Variants in GCNT2 observed in about 807,000 individuals in gnomAD.
GCNT2 encodes glucosaminyl (N-acetyl) transferase 2 (I blood group), also known as N-acetyllactosaminide beta-1,6-N-acetylglucosaminyl-transferase.
GCNT2 carries 34 observed loss-of-function variants against 34.2 expected under a neutral mutation model. The ratio of observed to expected loss-of-function variants is 1.00; its 90% confidence interval spans 0.76 to 1.32. The LOEUF is 1.32. GCNT2 is among the 40% of genes most tolerant of loss of function. The probability of loss-of-function intolerance (pLI) is 0.00; values close to 1 mark genes in which losing one functional copy is unlikely to be tolerated. For synonymous variants in GCNT2, 212 were observed against 188.0 expected (o/e 1.13, Z -1.04); for missense variants, 584 against 489.4 (o/e 1.19, Z -1.82).
chr6:10,579,248 T>A (rs746074738), intron 3 of GCNT2, among the ~76,000 whole-genome samples: 12 of 152,234 alleles, frequency 7.9e-5, no homozygotes, highest in Non-Finnish European at 1.3e-4. Flanking sequence ...CCCAATCTAT[T>A]ATTTCTGTAT....
At chr6:10,521,741 TA>T (rs2113459508) in intron 1 of GCNT2, 1 of 152,122 alleles carries the variant, frequency 6.6e-6, no homozygotes, top group African/African-American at 2.4e-5. Context: ...CATCTGTCTC[TA>T]AATCATTAGT....
At chr6:10,599,625 T>C (rs1183182969) in intron 3 of GCNT2, among the ~76,000 whole-genome samples, 1 of 152,168 alleles carries the variant, frequency 6.6e-6, no homozygotes, top group African/African-American at 2.4e-5. Flanking sequence ...AGACGGTAGC[T>C]TCCCCTCTCT....
intron 3 of GCNT2, among the ~76,000 whole-genome samples, chr6:10,582,240 A>G (rs1430583125): frequency 3.3e-5 from 4 of 122,792 alleles, no homozygotes; most frequent in Non-Finnish European, 4.7e-5. Context: ...ATTTAAATAT[A>G]TAAAATATAT....
At chr6:10,624,637 TGAA>T (rs1466612904) in intron 4 of GCNT2, among the ~76,000 whole-genome samples, 1 of 152,192 alleles carries the variant, frequency 6.6e-6, no homozygotes, top group Non-Finnish European at 1.5e-5. Context: ...CATTTCAACT[TGAA>T]AAAGAACATT....
In GCNT2 at chr6:10,529,775, C is replaced by A. The variant is rs761163111; in HGVS notation, c.864C>A (p.Ser288=). The A allele has an allele frequency of 6.2e-7, 1 of 1,614,204 alleles. No individual in the cohort carries two copies. The highest frequency in any genetic ancestry group is 1.7e-5 in the Admixed American group (1 of 60,028). Residue 288 remains serine, a synonymous_variant, in exon 3 of 5, where the codon TCC becomes TCA. Coordinates refer to ENST00000495262, the MANE Select transcript of GCNT2 (RefSeq NM_145649.5). ...ACCAGCTCGCACTTGACTTACTCTC[C>A]TGGTCCAAGGACACCTACAGCCCCG... ...LQDQLALDLL[S]WSKDTYSPDE...
rs1389832450 is a variant in GCNT2, at chr6:10,529,781, C to T, written c.870C>T (p.Ser290=). ...DQLALDLLSW[S]KDTYSPDEHF... ...TCGCACTTGACTTACTCTCCTGGTC[C>T]AAGGACACCTACAGCCCCGACGAAC... The change falls in exon 3 of 5, where the codon TCC becomes TCT. Residue 290 remains serine (S), a synonymous_variant. Transcript: ENST00000495262. 6.2e-7 allele frequency: 1 copy of T among 1,614,022 alleles called. No homozygotes were observed. Among genetic ancestry groups the T allele is most frequent in the Non-Finnish European group, 8.5e-7 (1 of 1,179,996 alleles).
intron 3 of GCNT2, among the ~76,000 whole-genome samples, chr6:10,594,350 G>A (rs1764761261): frequency 6.6e-6 from 1 of 152,204 alleles, no homozygotes; most frequent in Admixed American, 6.5e-5. Flanking sequence ...TTGATATAAG[G>A]AAAAGCTTTA....
Position 10,529,127 on chromosome 6 carries a change from T to C in GCNT2, c.216T>C (p.Ala72=). Residue 72 remains alanine, a synonymous_variant, in exon 3 of 5, where the codon GCT becomes GCC. Coordinates refer to ENST00000495262, the MANE Select transcript of GCNT2 (RefSeq NM_145649.5). ...ENALKTTLDE[A]TCYEYMVRSH... is the part of the protein sequence containing the mutation. Reference sequence around the variant, plus strand: ...CATTGAAAACTACCCTTGATGAAGCTACCTGCTATGAGTACATGGTTCGAA... The same window carrying C: ...CATTGAAAACTACCCTTGATGAAGCCACCTGCTATGAGTACATGGTTCGAA... 1 of 1,614,114 alleles carries C rather than the reference T, an allele frequency of 6.2e-7. No individual in the cohort carries two copies. The highest frequency in any genetic ancestry group is 8.5e-7 in the Non-Finnish European group (1 of 1,179,958).
chr6:10,529,879 CA>C, intron 3 of GCNT2, 43 bp downstream of exon 3: 1 of 1,403,600 alleles, frequency 7.1e-7, no homozygotes, highest in Non-Finnish European at 1.0e-6. Flanking sequence ...ATAAACACTG[CA>C]TGGTCAATAC....
chr6:10,558,419 TA>T (rs1015439102), intron 3 of GCNT2, among the ~76,000 whole-genome samples: 3 of 152,166 alleles, frequency 2.0e-5, no homozygotes, highest in Non-Finnish European at 4.4e-5. Flanking sequence ...GTAGGATTTT[TA>T]AAAATACATT....
At chr6:10,559,639 G>A (rs1350980448) in intron 3 of GCNT2, among the ~76,000 whole-genome samples, 1 of 152,248 alleles carries the variant, frequency 6.6e-6, no homozygotes, top group East Asian at 1.9e-4. Context: ...ATCATGTACT[G>A]CCCATCAACT....
chr6:10,545,882 A>G (rs1166277362), intron 3 of GCNT2, among the ~76,000 whole-genome samples: 6 of 152,164 alleles, frequency 3.9e-5, no homozygotes, highest in Admixed American at 1.3e-4. Flanking sequence ...ATCAGTTACA[A>G]TGGATAGGTC....
At chr6:10,573,769 C>G (rs548478289) in intron 3 of GCNT2, among the ~76,000 whole-genome samples, 1 of 152,188 alleles carries the variant, frequency 6.6e-6, no homozygotes, top group African/African-American at 2.4e-5. Context: ...ACTGGAGTAA[C>G]CAAGTCAGAT....
chr6:10,556,559 C>A, intron 3 of GCNT2: 1 of 1,614,142 alleles, frequency 6.2e-7, no homozygotes, highest in South Asian at 1.1e-5. Context: ...GAGGCTGACT[C>A]AAGTTTGCAC....
chr6:10,619,193 C>G (rs1334521910), intron 3 of GCNT2: 1 of 151,958 alleles, frequency 6.6e-6, no homozygotes, highest in Non-Finnish European at 1.5e-5. Flanking sequence ...CTTTTTTCTT[C>G]TTTTATTTTA....
chr6:10,542,521 C>G lies in GCNT2; in HGVS notation c.925+12685C>G, dbSNP rs115915197. 5.7e-3 allele frequency among the ~76,000 whole-genome samples: 873 copies of G among 152,296 alleles called. 14 individuals carry two copies. Among genetic ancestry groups the G allele is most frequent in the African/African-American group, 0.02 (826 of 41,548 alleles). On this transcript the variant is annotated intron_variant, in intron 3 of 4. Transcript: ENST00000495262. ...ACACAAAGAAACCTCATGACCACTT[C>G]CCATTTCCACACCCAACCCCTGCTT...
intron 3 of GCNT2, among the ~76,000 whole-genome samples, chr6:10,605,143 T>C (rs776249899): frequency 1.3e-5 from 2 of 150,430 alleles, no homozygotes; most frequent in Non-Finnish European, 3.0e-5. Context: ...AGATCCTATC[T>C]CTTTAAAACA....
At chr6:10,574,620 G>T (rs562176713) in intron 3 of GCNT2, 17 of 209,678 alleles carry the variant, frequency 8.1e-5, no homozygotes, top group Non-Finnish European at 1.5e-4. Context: ...ATCTAGAGCA[G>T]AGATCAGTGA....
At chr6:10,530,606 C>T (rs1346607687) in intron 3 of GCNT2, among the ~76,000 whole-genome samples, 2 of 152,110 alleles carry the variant, frequency 1.3e-5, no homozygotes, top group Non-Finnish European at 2.9e-5. Flanking sequence ...CATGGTGGCT[C>T]ACGCCTGTAA....
Sources: gnomAD v4.1 joint callset for allele counts (sites outside exome capture counted in the v4.1 genomes callset) on GRCh38, gnomAD v4.1.1 for gene constraint, MANE v1.5 for transcripts, NCBI Gene and HGNC (gene_info 2026-07-23, HGNC 2026-07-21) for gene names.